The following BHLHA15 variants were observed in gnomAD, a reference collection of about 807,000 sequenced individuals.
BHLHA15 encodes basic helix-loop-helix family member a15, also known as class A basic helix-loop-helix protein 15.
A neutral mutation model predicts 10.4 loss-of-function variants in BHLHA15; 7 were observed. The ratio of observed to expected loss-of-function variants is 0.67; its 90% CI spans 0.38 to 1.26. BHLHA15 has a LOEUF of 1.26. Ranked by LOEUF, BHLHA15 falls within the 50% of genes most tolerant of loss-of-function variation. The pLI, the probability that BHLHA15 is intolerant of heterozygous loss-of-function variation, is 0.02. For missense variants in BHLHA15, 289 were observed against 287.4 expected, an observed-to-expected ratio of 1.01 and a Z score of -0.04; for synonymous variants, 140 against 131.5, an observed-to-expected ratio of 1.06 and a Z score of -0.44.
Position 98,212,281 on chromosome 7 carries a change from C to T in BHLHA15, c.-29C>T, listed in dbSNP as rs552058528. On this transcript the variant is annotated 5_prime_UTR_variant, in exon 2 of 2. Transcript: ENST00000609256. ...CTCCAAGGGCCTCACCTTCCTGCCG[C>T]CACCTCCTAGGACAGCCAGTCCAGG... 1.4e-5 allele frequency: 18 copies of T among 1,324,432 alleles called. No individual in the cohort carries two copies. Among genetic ancestry groups the T allele is most frequent in the Middle Eastern group, 1.9e-4 (1 of 5,130 alleles). The allele number at this position is 1,324,432 out of a possible 1,614,324, so 82.0% of individuals were successfully genotyped here. A position where few individuals can be genotyped will look rare whatever the true frequency, so the allele number is the denominator to read the frequency against.
In BHLHA15 at chr7:98,212,289, T is replaced by C; in HGVS notation, c.-21T>C. On this transcript the variant is annotated 5_prime_UTR_variant, in exon 2 of 2. Coordinates refer to ENST00000609256, the MANE Select transcript of BHLHA15 (RefSeq NM_177455.4). ...GCCTCACCTTCCTGCCGCCACCTCC[T>C]AGGACAGCCAGTCCAGGGCCATGAA... The C allele has an allele frequency of 3.7e-6, 5 of 1,335,628 alleles. No homozygotes were observed. Among genetic ancestry groups the C allele is most frequent in the Non-Finnish European group, 3.8e-6 (4 of 1,040,504 alleles). 82.7% of individuals were successfully genotyped at this position (1,335,628 alleles called of 1,614,324 possible).
At position 98,212,149 on chromosome 7, in the gene BHLHA15, C is replaced by T. The variant is rs935562221; in HGVS notation, c.-54-107C>T. ...CAGTCGCAGAGCGCCAACCCCTGCC[C>T]CTGGTACCATTGCTGTCAGCAAGGA... On this transcript the variant is annotated intron_variant, in intron 1 of 1. Transcript: ENST00000609256. 9 of 601,866 alleles carry T rather than the reference C, an allele frequency of 1.5e-5. No homozygotes were observed. The South Asian group carries it at 1.6e-4, about 11-fold the overall frequency. 37.3% of individuals were successfully genotyped at this position (601,866 alleles called of 1,614,324 possible). A position where few individuals can be genotyped will look rare whatever the true frequency, so the allele number is the denominator to read the frequency against.
rs201765897 is a variant in BHLHA15, at chr7:98,212,856, C to T, written c.547C>T (p.His183Tyr). ...GHLQRYSTQI[H>Y]SFREGT ...CCTGCAGAGGTACTCCACGCAGATC[C>T]ACAGCTTCCGAGAGGGCACCTAGCG... The change falls in exon 2 of 2, where the codon CAC (histidine) becomes TAC (tyrosine). Residue 183 changes from histidine (H) to tyrosine (Y), a missense_variant. By Grantham distance (83) the His-to-Tyr change is moderately conservative. Transcript: ENST00000609256. 220 of 1,544,878 alleles carry T rather than the reference C, an allele frequency of 1.4e-4. 1 individual carries two copies. The African/African-American group carries it at 2.6e-3, about 19-fold the overall frequency.
In BHLHA15 at chr7:98,212,335, G is replaced by A. The variant is rs754124873; in HGVS notation, c.26G>A (p.Arg9Gln). Residue 9 changes from arginine (R) to glutamine (Q), a missense_variant, in exon 2 of 2, where the codon CGG (arginine) becomes CAG (glutamine). By Grantham distance (43) the Arg-to-Gln change is conservative. Coordinates refer to ENST00000609256, the MANE Select transcript of BHLHA15 (RefSeq NM_177455.4). MKTKNRPP[R>Q]RRAPVQDTEA... is the part of the protein sequence containing the mutation. ...ATGAAGACCAAGAACCGGCCCCCAC[G>A]GCGCCGGGCCCCGGTGCAGGACACA... The A allele has an allele frequency of 5.1e-5, 70 of 1,377,120 alleles. No individual in the cohort carries two copies. Among genetic ancestry groups the A allele is most frequent in the Middle Eastern group, 3.8e-4 (2 of 5,256 alleles). 85.3% of individuals were successfully genotyped at this position (1,377,120 alleles called of 1,614,324 possible).
chr7:98,212,899 G>C lies in BHLHA15; in HGVS notation c.*20G>C. On this transcript the variant is annotated 3_prime_UTR_variant, in exon 2 of 2. Coordinates refer to ENST00000609256, the MANE Select transcript of BHLHA15 (RefSeq NM_177455.4). ...ACCTAGCGCCCAGTCCTGGGTGGGG[G>C]TGGCGGTGGCCGCAGCTGCCTGGCC... The C allele has an allele frequency of 6.6e-7, 1 of 1,510,678 alleles. No homozygotes were observed. 93.6% of individuals were successfully genotyped at this position (1,510,678 alleles called of 1,614,324 possible). A position where few individuals can be genotyped will look rare whatever the true frequency, so the allele number is the denominator to read the frequency against.
chr7:98,212,728 C>A lies in BHLHA15; in HGVS notation c.419C>A (p.Pro140Gln). The change falls in exon 2 of 2, where the codon CCA (proline) becomes CAA (glutamine). Residue 140 changes from proline (P) to glutamine (Q), a missense_variant. Coordinates refer to ENST00000609256, the MANE Select transcript of BHLHA15 (RefSeq NM_177455.4). ...TILTMSSSRL[P>Q]GLEGPGPKLY... ...CTGACCATGTCCAGCAGCCGCCTCC[C>A]AGGCCTGGAGGGGCCGGGCCCCAAG... 1 of 1,560,554 alleles carries A rather than the reference C, an allele frequency of 6.4e-7. No individual in the cohort carries two copies. The highest frequency in any genetic ancestry group is 2.4e-5 in the East Asian group (1 of 42,128).
At position 98,213,009 on chromosome 7, in the gene BHLHA15, T is replaced by G; in HGVS notation, c.*130T>G. On this transcript the variant is annotated 3_prime_UTR_variant, in exon 2 of 2. Coordinates refer to ENST00000609256, the MANE Select transcript of BHLHA15 (RefSeq NM_177455.4). ...CAAGGACACGGCCTCAGCGGTTCCATTTTCCCCCGAACATTCAGCCACTTC... is the reference window on the plus strand; with the variant it reads ...CAAGGACACGGCCTCAGCGGTTCCAGTTTCCCCCGAACATTCAGCCACTTC... The G allele has an allele frequency of 1.1e-6, 1 of 872,954 alleles. No individual in the cohort carries two copies. Among genetic ancestry groups the G allele is most frequent in the East Asian group, 3.0e-5 (1 of 33,628 alleles). 54.1% of individuals were successfully genotyped at this position (872,954 alleles called of 1,614,324 possible). A position where few individuals can be genotyped will look rare whatever the true frequency, so the allele number is the denominator to read the frequency against.
In BHLHA15 at chr7:98,211,511, C is replaced by G. The variant is rs1264185064; in HGVS notation, c.-55+13C>G. 6.6e-6 allele frequency: 1 copy of G among 150,562 alleles called. No individual in the cohort carries two copies. The highest frequency in any genetic ancestry group is 2.0e-4 in the East Asian group (1 of 5,002). 9.3% of individuals were successfully genotyped at this position (150,562 alleles called of 1,614,324 possible). ...CGCGGATCCCCAGGTAACCCGGGAG[C>G]TGGGAACTCGGGTGGGGCCGCGGGG... On this transcript the variant is annotated intron_variant, in intron 1 of 1. Coordinates refer to ENST00000609256, the MANE Select transcript of BHLHA15 (RefSeq NM_177455.4).
chr7:98,212,880 C>T lies in BHLHA15; in HGVS notation c.*1C>T, dbSNP rs749879205. On this transcript the variant is annotated 3_prime_UTR_variant, in exon 2 of 2. Transcript: ENST00000609256. ...CCACAGCTTCCGAGAGGGCACCTAG[C>T]GCCCAGTCCTGGGTGGGGGTGGCGG... The T allele has an allele frequency of 1.6e-5, 24 of 1,529,220 alleles. No homozygotes were observed. Among genetic ancestry groups the T allele is most frequent in the Middle Eastern group, 3.4e-4 (2 of 5,820 alleles). The allele number at this position is 1,529,220 out of a possible 1,614,324, so 94.7% of individuals were successfully genotyped here.
rs1797949199 is a variant in BHLHA15 at position 98,214,148 on chromosome 7, G to T, written c.*1269G>T. On this transcript the variant is annotated 3_prime_UTR_variant, in exon 2 of 2. Coordinates refer to ENST00000609256, the MANE Select transcript of BHLHA15 (RefSeq NM_177455.4). ...CAGCTGAGACCAAGGGCTCTGGCTG[G>T]CCCGTCCCCACCAGGTGGCCCTGCC... Among the ~76,000 whole-genome samples the T allele has an allele frequency of 6.6e-6, 1 of 152,228 alleles. No individual in the cohort carries two copies. The highest frequency in any genetic ancestry group is 1.5e-5 in the Non-Finnish European group (1 of 68,038).
In BHLHA15 at chr7:98,213,512, C is replaced by G. The variant is rs1334080308; in HGVS notation, c.*633C>G. 6.6e-6 allele frequency among the ~76,000 whole-genome samples: 1 copy of G among 152,214 alleles called. No homozygotes were observed. The highest frequency in any genetic ancestry group is 1.5e-5 in the Non-Finnish European group (1 of 68,044). On this transcript the variant is annotated 3_prime_UTR_variant, in exon 2 of 2. Coordinates refer to ENST00000609256, the MANE Select transcript of BHLHA15 (RefSeq NM_177455.4). Reference sequence around the variant, plus strand: ...TGGGGAGGGGCTGGAGTCTCTTCCTCCCTCCTCCCAAGTTGGGGCTCCTGG... The same window carrying G: ...TGGGGAGGGGCTGGAGTCTCTTCCTGCCTCCTCCCAAGTTGGGGCTCCTGG...
chr7:98,215,324 T>A lies in BHLHA15; in HGVS notation c.*2445T>A, dbSNP rs1033079385. On this transcript the variant is annotated 3_prime_UTR_variant, in exon 2 of 2. Transcript: ENST00000609256. ...GAACGGCCCGTGCCCCCACTGTAATTGTGCTGAAAATGTTTCTCAAATGAC... is the reference window on the plus strand; with the variant it reads ...GAACGGCCCGTGCCCCCACTGTAATAGTGCTGAAAATGTTTCTCAAATGAC... 1 of 152,272 alleles carries A rather than the reference T, an allele frequency of 6.6e-6. No individual in the cohort carries two copies. The highest frequency in any genetic ancestry group is 2.4e-5 in the African/African-American group (1 of 41,472). The allele number at this position is 152,272 out of a possible 1,614,324, so 9.4% of individuals were successfully genotyped here.
In BHLHA15 at chr7:98,212,760, C is replaced by G; in HGVS notation, c.451C>G (p.Gln151Glu). The stretch of plus-strand genomic sequence containing the variant: ...GGAGGGGCCGGGCCCCAAGCTCTAC[C>G]AGCACTACCAGCAGCAGCAGCAGGT... ...GLEGPGPKLYQHYQQQQQVAG... is the reference protein window; with the variant it reads ...GLEGPGPKLYEHYQQQQQVAG... The change falls in exon 2 of 2, where the codon CAG becomes GAG. Residue 151 changes from glutamine (Q) to glutamate (E), a missense_variant. By Grantham distance (29) the Gln-to-Glu change is conservative. Transcript: ENST00000609256. The G allele has an allele frequency of 6.4e-7, 1 of 1,551,878 alleles. No homozygotes were observed. Among genetic ancestry groups the G allele is most frequent in the African/African-American group, 1.4e-5 (1 of 73,224 alleles).
chr7:98,212,165 T>A, intron 1 of BHLHA15, 91 bp from the exon 2 acceptor site: 2 of 700,454 alleles, frequency 2.9e-6, no homozygotes, highest in Non-Finnish European at 4.2e-6. Flanking sequence ...ACCATTGCTG[T>A]CAGCAAGGAG....
chr7:98,212,571 A>G lies in BHLHA15; in HGVS notation c.262A>G (p.Met88Val). ...GAGCAACGAGAGGGAGCGGCAGCGG[A>G]TGCACAAGCTAAATAACGCCTTCCA... ...LESNERERQR[M>V]HKLNNAFQAL... The change falls in exon 2 of 2, where the codon ATG becomes GTG. Residue 88 changes from methionine (M) to valine (V), a missense_variant. By Grantham distance (21) the Met-to-Val change is conservative. Coordinates refer to ENST00000609256, the MANE Select transcript of BHLHA15 (RefSeq NM_177455.4). The G allele has an allele frequency of 6.2e-7, 1 of 1,603,572 alleles. No individual in the cohort carries two copies. Among genetic ancestry groups the G allele is most frequent in the African/African-American group, 1.3e-5 (1 of 74,990 alleles).
In BHLHA15 at chr7:98,212,807, C is replaced by A; in HGVS notation, c.498C>A (p.Ala166=). Reference sequence around the variant, plus strand: ...AGGTGGCTGGGGGTGCGTTGGGGGCCACGGAGGCCCAGCCCCAGGGCCACC... The same window carrying A: ...AGGTGGCTGGGGGTGCGTTGGGGGCAACGGAGGCCCAGCCCCAGGGCCACC... ...QQQVAGGALG[A]TEAQPQGHLQ... The change falls in exon 2 of 2, where the codon GCC becomes GCA. Residue 166 remains alanine, a synonymous_variant. Transcript: ENST00000609256. The A allele has an allele frequency of 6.5e-7, 1 of 1,548,288 alleles. No homozygotes were observed. Among genetic ancestry groups the A allele is most frequent in the South Asian group, 1.2e-5 (1 of 83,428 alleles).
In BHLHA15 at chr7:98,213,770, G is replaced by A. The variant is rs566620864; in HGVS notation, c.*891G>A. Among the ~76,000 whole-genome samples the A allele has an allele frequency of 1.3e-5, 2 of 152,302 alleles. No homozygotes were observed. The highest frequency in any genetic ancestry group is 2.1e-4 in the South Asian group (1 of 4,832). On this transcript the variant is annotated 3_prime_UTR_variant, in exon 2 of 2. Transcript: ENST00000609256. ...CCCCCACCCAGCCCCTGCCACCGCC[G>A]TTACTTATTCTCACTGATGTGGGGT... is the stretch of plus-strand genomic sequence containing the variant.
At chr7:98,212,143 C>G in intron 1 of BHLHA15, 113 bp from the exon 2 acceptor site, 1 of 572,180 alleles carries the variant, frequency 1.7e-6, no homozygotes, top group Non-Finnish European at 2.7e-6. Context: ...AGCGCCAACC[C>G]CTGCCCCTGG....
Position 98,212,972 on chromosome 7 carries a change from G to A in BHLHA15, c.*93G>A, listed in dbSNP as rs372971855. ...TCCAAGCCACGAGCCCCAGATGGGC[G>A]GTGACACCCCACAAGGACACGGCCT... On this transcript the variant is annotated 3_prime_UTR_variant, in exon 2 of 2. Coordinates refer to ENST00000609256, the MANE Select transcript of BHLHA15 (RefSeq NM_177455.4). 2.0e-4 allele frequency: 234 copies of A among 1,179,406 alleles called. No homozygotes were observed. The East Asian group carries it at 3.1e-3, about 16-fold the overall frequency. The allele number at this position is 1,179,406 out of a possible 1,614,324, so 73.1% of individuals were successfully genotyped here. A position where few individuals can be genotyped will look rare whatever the true frequency, so the allele number is the denominator to read the frequency against.
Sources: gnomAD v4.1 joint callset for allele counts (sites outside exome capture counted in the v4.1 genomes callset) on GRCh38, gnomAD v4.1.1 for gene constraint, MANE v1.5 for transcripts, NCBI Gene and HGNC (gene_info 2026-07-23, HGNC 2026-07-21) for gene names.